AFF3: variants seen among roughly 807,000 people sequenced by gnomAD.
The protein encoded by AFF3 is AF4/FMR2 family member 3.
Under a neutral mutation model 129.7 loss-of-function variants are expected in AFF3, and 32 were observed. That is an observed-to-expected ratio of 0.25 (90% CI 0.19 to 0.33). The LOEUF is 0.33. AFF3 is among the 10% of genes least tolerant of loss of function. The probability of loss-of-function intolerance (pLI) is 1.00; values close to 1 mark genes in which losing one functional copy is unlikely to be tolerated. For synonymous variants in AFF3, 644 were observed against 635.4 expected, an observed-to-expected ratio of 1.01 and a Z score of -0.20; for missense variants, 1,373 against 1,592.0, an observed-to-expected ratio of 0.86 and a Z score of 2.34.
intron 7 of AFF3, among the ~76,000 whole-genome samples, chr2:99,904,237 T>A (rs985019973): frequency 1.3e-5 from 2 of 152,104 alleles, no homozygotes; most frequent in African/African-American, 4.8e-5. Context: ...CTGTGCCCAA[T>A]ACACAATGCA....
chr2:99,673,400 G>A (rs1261719101), intron 11 of AFF3, among the ~76,000 whole-genome samples: 3 of 152,118 alleles, frequency 2.0e-5, no homozygotes, highest in Non-Finnish European at 4.4e-5. Flanking sequence ...CAGCGGGGAA[G>A]CACGAGGTTA....
chr2:100,064,052 G>A (rs1302518675), intron 4 of AFF3, among the ~76,000 whole-genome samples: 1 of 151,426 alleles, frequency 6.6e-6, no homozygotes. Flanking sequence ...TCGTGCCACT[G>A]CACTCCAGCC....
chr2:99,805,164 C>T (rs1686243362), intron 8 of AFF3, among the ~76,000 whole-genome samples: 6 of 152,138 alleles, frequency 3.9e-5, no homozygotes, highest in Admixed American at 3.3e-4. Context: ...CAAAAGTCAT[C>T]ACCCAGCTGA....
intron 11 of AFF3, 71 bp from the exon 12 acceptor site, chr2:99,672,660 A>C: frequency 7.1e-7 from 1 of 1,407,092 alleles, no homozygotes; most frequent in Non-Finnish European, 1.0e-6. Flanking sequence ...CAGCACCAAA[A>C]TATCACCTTA....
intron 7 of AFF3, among the ~76,000 whole-genome samples, chr2:99,849,045 C>T (rs1381900283): frequency 1.3e-5 from 2 of 152,038 alleles, no homozygotes; most frequent in African/African-American, 2.4e-5. Context: ...AGACTGGCTA[C>T]TGCTTAGGTA....
Position 99,606,870 on chromosome 2 carries a change from C to T in AFF3, c.1185-5249G>A, listed in dbSNP as rs186740302. Among the ~76,000 whole-genome samples, 365 of 142,602 alleles carry T rather than the reference C, an allele frequency of 2.6e-3. 9 individuals carry two copies. In the East Asian group the frequency reaches 0.05, roughly 20 times the overall value. The allele number at this position is 142,602 out of a possible 152,430, so 93.6% of individuals were successfully genotyped here. A position where few individuals can be genotyped will look rare whatever the true frequency, so the allele number is the denominator to read the frequency against. On this transcript the variant is annotated intron_variant, in intron 13 of 24. Transcript: ENST00000672756. ...CGGAGCTTGCAGTGAGCTGAGATTG[C>T]GCCACTGCACTCCAGCCTGGGCGAC... is the stretch of plus-strand genomic sequence containing the variant.
At chr2:99,928,042 C>CG (rs532420249) in intron 7 of AFF3, among the ~76,000 whole-genome samples, 1,844 of 152,306 alleles carry the variant, frequency 0.012, 30 homozygotes, top group African/African-American at 0.032. Flanking sequence ...CTGCCATCCA[C>CG]ATAAGATGTG....
Position 99,978,414 on chromosome 2 carries a change from TA to T in AFF3, c.873+28217del, listed in dbSNP as rs538042144. ...AATGCCTAAATTATTTATTGGTCAA[TA>T]AAAAAACCCAATGCATCAATAAGAG... On this transcript the variant is annotated intron_variant, in intron 7 of 24. Coordinates refer to ENST00000672756, the MANE Select transcript of AFF3 (RefSeq NM_001386135.1). Among the ~76,000 whole-genome samples the T allele has an allele frequency of 1.9e-3, 288 of 152,190 alleles. 1 individual carries two copies. The highest frequency in any genetic ancestry group is 3.3e-3 in the South Asian group (16 of 4,822).
intron 4 of AFF3, among the ~76,000 whole-genome samples, chr2:100,088,321 G>A (rs955582386): frequency 4.6e-5 from 7 of 152,120 alleles, no homozygotes; most frequent in South Asian, 4.2e-4. Context: ...TACACTCAGC[G>A]AGGTCACAGG....
At chr2:99,811,520 A>G (rs1180920300) in intron 8 of AFF3, among the ~76,000 whole-genome samples, 1 of 152,058 alleles carries the variant, frequency 6.6e-6, no homozygotes, top group Non-Finnish European at 1.5e-5. Context: ...AAACACCTTT[A>G]CAGTATGTGT....
rs1347490054 is a variant in AFF3 at position 100,037,521 on chromosome 2, AT to A, written c.54-28590del. On this transcript the variant is annotated intron_variant, in intron 4 of 24. Coordinates refer to ENST00000672756, the MANE Select transcript of AFF3 (RefSeq NM_001386135.1). Reference sequence around the variant, plus strand: ...ATAAATATATATTTATATTTTATATATTATTTATATATAAATATATATTTAT... The same window carrying A: ...ATAAATATATATTTATATTTTATATATATTTATATATAAATATATATTTAT... Among the ~76,000 whole-genome samples the A allele has an allele frequency of 6.0e-4, 9 of 14,894 alleles. 1 individual carries two copies. The South Asian group carries it at 0.02, about 32-fold the overall frequency. 9.8% of individuals were successfully genotyped at this position (14,894 alleles called of 152,430 possible). A position where few individuals can be genotyped will look rare whatever the true frequency, so the allele number is the denominator to read the frequency against.
intron 8 of AFF3, among the ~76,000 whole-genome samples, chr2:99,831,632 A>T (rs1189931986): frequency 6.6e-6 from 1 of 152,258 alleles, no homozygotes; most frequent in African/African-American, 2.4e-5. Flanking sequence ...GGATAAAGAT[A>T]AGAATTTGCA....
At chr2:100,099,309 G>A (rs1690535959) in intron 4 of AFF3, among the ~76,000 whole-genome samples, 1 of 152,184 alleles carries the variant, frequency 6.6e-6, no homozygotes, top group Non-Finnish European at 1.5e-5. Context: ...CTGGCACTAT[G>A]AAGTAAAGTC....
chr2:99,592,109 G>A (rs1411349980), intron 15 of AFF3, among the ~76,000 whole-genome samples: 1 of 152,056 alleles, frequency 6.6e-6, no homozygotes, highest in African/African-American at 2.4e-5. Flanking sequence ...GTAACAGGAG[G>A]GGTTAAAAAC....
chr2:99,621,847 G>A (rs566596371), intron 13 of AFF3, among the ~76,000 whole-genome samples: 8 of 152,132 alleles, frequency 5.3e-5, no homozygotes, highest in Non-Finnish European at 7.3e-5. Context: ...CAGGCAAAGC[G>A]GGTGGAATAA....
intron 8 of AFF3, among the ~76,000 whole-genome samples, chr2:99,771,218 T>G (rs1490610598): frequency 2.6e-5 from 4 of 151,960 alleles, no homozygotes; most frequent in Non-Finnish European, 5.9e-5. Flanking sequence ...TGAGAACACA[T>G]GGACACATGG....
At chr2:99,971,289 T>C (rs1027384276) in intron 7 of AFF3, among the ~76,000 whole-genome samples, 6 of 152,176 alleles carry the variant, frequency 3.9e-5, no homozygotes, top group African/African-American at 1.4e-4. Context: ...AGTTGCCTAA[T>C]TCACACATTT....
Position 99,549,583 on chromosome 2 carries a change from C to CA in AFF3, c.*1890dup, listed in dbSNP as rs772949506. The stretch of plus-strand genomic sequence containing the variant: ...CTGGGCAACAGAGCGAAACTCGTCT[C>CA]AAAAAAAAAGTGAAAGGGTTGTAAG... On this transcript the variant is annotated 3_prime_UTR_variant, in exon 25 of 25. Coordinates refer to ENST00000672756, the MANE Select transcript of AFF3 (RefSeq NM_001386135.1). The CA allele has an allele frequency of 6.2e-4, 119 of 190,700 alleles. No homozygotes were observed. Among genetic ancestry groups the CA allele is most frequent in the South Asian group, 1.8e-3 (9 of 5,120 alleles). The allele number at this position is 190,700 out of a possible 1,614,324, so 11.8% of individuals were successfully genotyped here.
At chr2:100,039,559 A>G (rs1395915279) in intron 4 of AFF3, among the ~76,000 whole-genome samples, 1 of 151,818 alleles carries the variant, frequency 6.6e-6, no homozygotes, top group Non-Finnish European at 1.5e-5. Context: ...CTCCTCTCTA[A>G]AAAAAAACAA....
Sources: gnomAD v4.1 joint callset for allele counts (sites outside exome capture counted in the v4.1 genomes callset) on GRCh38, gnomAD v4.1.1 for gene constraint, MANE v1.5 for transcripts, NCBI Gene and HGNC (gene_info 2026-07-23, HGNC 2026-07-21) for gene names.